Variants in ATP8A2 observed in about 807,000 individuals in gnomAD.
ATP8A2 encodes the protein phospholipid-transporting ATPase IB.
A neutral mutation model predicts 165.6 loss-of-function variants in ATP8A2; 100 were observed. The ratio of observed to expected loss-of-function variants is 0.60; its 90% CI spans 0.51 to 0.71. The LOEUF is 0.71. Among genes scored for constraint, ATP8A2 ranks in the 30% least tolerant of loss-of-function variants. The probability of loss-of-function intolerance (pLI) is 0.00; values close to 1 mark genes in which losing one functional copy is unlikely to be tolerated. For synonymous variants in ATP8A2, 543 were observed against 548.8 expected (o/e 0.99, Z 0.15); for missense variants, 1,227 against 1,479.5 (o/e 0.83, Z 2.80).
chr13:25,900,581 G>A (rs920996511), intron 33 of ATP8A2, among the ~76,000 whole-genome samples: 5 of 152,140 alleles, frequency 3.3e-5, no homozygotes, highest in African/African-American at 1.2e-4. Context: ...TCCTTAGAAA[G>A]AGTTTTGGCT....
At chr13:25,641,202 G>T (rs548806146) in intron 24 of ATP8A2, among the ~76,000 whole-genome samples, 1 of 152,298 alleles carries the variant, frequency 6.6e-6, no homozygotes, top group African/African-American at 2.4e-5. Flanking sequence ...CACAAGACAG[G>T]GATGCCCTCT....
chr13:25,479,933 TC>T (rs1270987637), intron 2 of ATP8A2, among the ~76,000 whole-genome samples: 2 of 152,140 alleles, frequency 1.3e-5, no homozygotes, highest in Non-Finnish European at 2.9e-5. Context: ...CTCAATCTTT[TC>T]CCCACCTTTC....
At chr13:25,610,976 G>T (rs949612693) in intron 24 of ATP8A2, among the ~76,000 whole-genome samples, 1 of 144,472 alleles carries the variant, frequency 6.9e-6, no homozygotes, top group Non-Finnish European at 1.5e-5. Flanking sequence ...AAGAACTACT[G>T]ATTTCTGTAC....
chr13:25,893,024 T>G (rs1456275867), intron 33 of ATP8A2, among the ~76,000 whole-genome samples: 1 of 151,904 alleles, frequency 6.6e-6, no homozygotes, highest in Non-Finnish European at 1.5e-5. Context: ...CAGAGAAGAT[T>G]TTTTTTTCTT....
intron 28 of ATP8A2, among the ~76,000 whole-genome samples, chr13:25,830,261 C>G (rs886586888): frequency 6.6e-6 from 1 of 152,090 alleles, no homozygotes; most frequent in African/African-American, 2.4e-5. Context: ...AGTCCTCCCT[C>G]CTAGGCCTCC....
At chr13:25,903,217 T>C (rs1953818947) in intron 33 of ATP8A2, among the ~76,000 whole-genome samples, 1 of 152,198 alleles carries the variant, frequency 6.6e-6, no homozygotes, top group Non-Finnish European at 1.5e-5. Flanking sequence ...CAGAGACTTA[T>C]TCTTGACTTT....
At chr13:26,007,048 C>T (rs948297688) in intron 35 of ATP8A2, among the ~76,000 whole-genome samples, 1 of 149,772 alleles carries the variant, frequency 6.7e-6, no homozygotes, top group East Asian at 1.9e-4. Context: ...AATCTGTACT[C>T]CTCTTTTCTT....
At chr13:25,632,329 C>T (rs74343746) in intron 24 of ATP8A2, among the ~76,000 whole-genome samples, 5,232 of 152,122 alleles carry the variant, frequency 0.034, 154 homozygotes, top group East Asian at 0.13. Context: ...CCCTCCCCTC[C>T]CTGGAGGTTG....
chr13:25,672,016 G>A (rs1405326052), intron 24 of ATP8A2, among the ~76,000 whole-genome samples: 1 of 152,096 alleles, frequency 6.6e-6, no homozygotes, highest in Non-Finnish European at 1.5e-5. Flanking sequence ...TCTCAAGCTG[G>A]CCAACACTTA....
At chr13:25,467,274 G>A (rs1230299269) in intron 1 of ATP8A2, among the ~76,000 whole-genome samples, 1 of 152,220 alleles carries the variant, frequency 6.6e-6, no homozygotes, top group Non-Finnish European at 1.5e-5. Context: ...GACCTGGCTT[G>A]AGCCCCGGAG....
intron 2 of ATP8A2, among the ~76,000 whole-genome samples, chr13:25,520,217 G>C (rs142935965): frequency 2.6e-4 from 40 of 152,236 alleles, no homozygotes; most frequent in African/African-American, 9.6e-4. Context: ...TCTGCCCTCT[G>C]TCTTCATGAG....
intron 33 of ATP8A2, among the ~76,000 whole-genome samples, chr13:25,864,556 A>G (rs900365810): frequency 2.6e-5 from 4 of 152,254 alleles, no homozygotes; most frequent in African/African-American, 7.2e-5. Context: ...GGACTCTTCC[A>G]GCAGAACTTT....
intron 27 of ATP8A2, among the ~76,000 whole-genome samples, chr13:25,820,093 A>T (rs1284013355): frequency 6.6e-6 from 1 of 152,216 alleles, no homozygotes; most frequent in Admixed American, 6.5e-5. Context: ...GTCGGCTGTT[A>T]GCTGAGAGCC....
At chr13:25,536,548 T>TA (rs534666084) in intron 6 of ATP8A2, among the ~76,000 whole-genome samples, 142 of 152,372 alleles carry the variant, frequency 9.3e-4, no homozygotes, top group African/African-American at 2.9e-3. Context: ...ACCAATAGGA[T>TA]ACCTTTCAGT....
intron 2 of ATP8A2, among the ~76,000 whole-genome samples, chr13:25,481,297 G>T (rs1338164116): frequency 6.6e-6 from 1 of 152,138 alleles, no homozygotes; most frequent in Non-Finnish European, 1.5e-5. Context: ...GGGACATGCA[G>T]ACTGCATTTC....
chr13:25,378,421 G>A (rs1016099010), intron 1 of ATP8A2, among the ~76,000 whole-genome samples: 8 of 151,652 alleles, frequency 5.3e-5, no homozygotes, highest in East Asian at 1.9e-4. Flanking sequence ...TCATTCCCAG[G>A]TGAGTGTAGA....
intron 24 of ATP8A2, among the ~76,000 whole-genome samples, chr13:25,665,134 T>A (rs1261829205): frequency 6.6e-6 from 1 of 152,164 alleles, no homozygotes; most frequent in Non-Finnish European, 1.5e-5. Context: ...GAGGTCCCCG[T>A]GCACAGTGTG....
chr13:25,579,703 G>A, intron 21 of ATP8A2, 105 bp from the exon 22 acceptor site: 1 of 1,306,604 alleles, frequency 7.7e-7, no homozygotes, highest in Middle Eastern at 2.6e-4. Context: ...AAAGCACAGA[G>A]TCTCTTCAAT....
chr13:25,871,814 C>T (rs1483807133), intron 33 of ATP8A2, among the ~76,000 whole-genome samples: 10 of 152,126 alleles, frequency 6.6e-5, no homozygotes, highest in Non-Finnish European at 1.3e-4. Context: ...AAATCTAGGT[C>T]GCTTGTGTCT....
Sources: gnomAD v4.1 joint callset for allele counts (sites outside exome capture counted in the v4.1 genomes callset) on GRCh38, gnomAD v4.1.1 for gene constraint, MANE v1.5 for transcripts, NCBI Gene and HGNC (gene_info 2026-07-23, HGNC 2026-07-21) for gene names.